CPQ: variants seen among roughly 807,000 people sequenced by gnomAD.
CPQ encodes carboxypeptidase Q, also known as Ser-Met dipeptidase.
A neutral mutation model predicts 45.7 loss-of-function variants in CPQ; 37 were observed. The ratio of observed to expected loss-of-function variants is 0.81; its 90% CI spans 0.62 to 1.07. The LOEUF (loss-of-function observed/expected upper bound fraction) is 1.07. Ranked by LOEUF, CPQ falls within the 50% of genes least tolerant of loss-of-function variation. CPQ has a pLI of 0.00. For synonymous variants in CPQ, 186 were observed against 205.8 expected, an observed-to-expected ratio of 0.90 and a Z score of 0.82; for missense variants, 537 against 572.9, an observed-to-expected ratio of 0.94 and a Z score of 0.64.
At chr8:96,966,173 C>A in intron 5 of CPQ, 127 bp downstream of exon 5, 1 of 617,600 alleles carries the variant, frequency 1.6e-6, no homozygotes, top group Non-Finnish European at 2.7e-6. Flanking sequence ...TCAGTTGATT[C>A]CCAGAAAAGA....
At chr8:96,808,093 A>G (rs1156725488) in intron 2 of CPQ, among the ~76,000 whole-genome samples, 1 of 152,188 alleles carries the variant, frequency 6.6e-6, no homozygotes, top group Non-Finnish European at 1.5e-5. Context: ...GCTGTTGAAT[A>G]CAGATGATGT....
At chr8:96,649,423 G>C (rs1376141984) in intron 1 of CPQ, among the ~76,000 whole-genome samples, 1 of 152,208 alleles carries the variant, frequency 6.6e-6, no homozygotes, top group Non-Finnish European at 1.5e-5. Flanking sequence ...TATTGCCATA[G>C]GTCTAATGAA....
intron 7 of CPQ, among the ~76,000 whole-genome samples, chr8:97,084,812 C>CTG (rs140213784): frequency 0.034 from 5,182 of 150,444 alleles, 114 homozygotes; most frequent in African/African-American, 0.066. Flanking sequence ...TGTGTATACT[C>CTG]TGTGTGTGTG....
chr8:97,055,964 G>A (rs1363737263), intron 6 of CPQ, among the ~76,000 whole-genome samples: 2 of 152,152 alleles, frequency 1.3e-5, no homozygotes, highest in Non-Finnish European at 2.9e-5. Flanking sequence ...AGCTGGGCGT[G>A]GTGGTGCACC....
chr8:96,856,748 G>T (rs1171049786), intron 3 of CPQ, among the ~76,000 whole-genome samples: 1 of 152,206 alleles, frequency 6.6e-6, no homozygotes, highest in Non-Finnish European at 1.5e-5. Context: ...GAACTGAGTT[G>T]TTTCAGGTTT....
chr8:97,125,640 C>T (rs1811835140), intron 7 of CPQ, among the ~76,000 whole-genome samples: 1 of 152,106 alleles, frequency 6.6e-6, no homozygotes, highest in Non-Finnish European at 1.5e-5. Context: ...ATGATCATTT[C>T]AGGAGGTGCA....
rs77486309 is a variant in CPQ at position 96,751,275 on chromosome 8, T to C, written c.-34-33589T>C. ...CCAACAGTGTAACAGCATTCCTTTT[T>C]CTTCACAAACTTGCCAGCATCAGTT... On this transcript the variant is annotated intron_variant, in intron 1 of 7. Transcript: ENST00000220763. 1.1e-3 allele frequency among the ~76,000 whole-genome samples: 168 copies of C among 152,366 alleles called. 4 individuals are homozygous for C. The East Asian group carries it at 0.03, about 28-fold the overall frequency.
At chr8:96,885,721 C>T (rs1010135530) in intron 4 of CPQ, among the ~76,000 whole-genome samples, 2 of 152,168 alleles carry the variant, frequency 1.3e-5, no homozygotes, top group African/African-American at 2.4e-5. Flanking sequence ...ATAGGCCAGG[C>T]GTGGTGGCTC....
intron 7 of CPQ, among the ~76,000 whole-genome samples, chr8:97,128,884 A>T (rs1342325882): frequency 1.3e-5 from 2 of 152,156 alleles, no homozygotes; most frequent in African/African-American, 2.4e-5. Context: ...TGGACTAGAG[A>T]AGTTCTTTCC....
chr8:96,814,030 G>T (rs201200037), intron 2 of CPQ, among the ~76,000 whole-genome samples: 1 of 151,428 alleles, frequency 6.6e-6, no homozygotes. Flanking sequence ...ACATATATAT[G>T]CACATATATA....
intron 7 of CPQ, among the ~76,000 whole-genome samples, chr8:97,099,955 T>C (rs1030996411): frequency 6.6e-6 from 1 of 152,206 alleles, no homozygotes; most frequent in African/African-American, 2.4e-5. Context: ...TCCCCTGATA[T>C]TAACTAGCTA....
intron 4 of CPQ, among the ~76,000 whole-genome samples, chr8:96,886,577 A>G (rs1812309805): frequency 6.6e-6 from 1 of 152,220 alleles, no homozygotes; most frequent in African/African-American, 2.4e-5. Context: ...CTAGAGATTT[A>G]GTACAAACTC....
At chr8:96,810,123 CCTT>C (rs1260773896) in intron 2 of CPQ, among the ~76,000 whole-genome samples, 1 of 152,294 alleles carries the variant, frequency 6.6e-6, no homozygotes, top group East Asian at 1.9e-4. Flanking sequence ...TTGGAATTCA[CCTT>C]CTCCAAGAGC....
intron 3 of CPQ, among the ~76,000 whole-genome samples, chr8:96,844,159 G>A (rs1035982910): frequency 1.3e-5 from 2 of 152,176 alleles, no homozygotes; most frequent in African/African-American, 4.8e-5. Context: ...CAGGATTAAG[G>A]CAATGTTGTT....
At chr8:96,716,336 T>G (rs1809672410) in intron 1 of CPQ, among the ~76,000 whole-genome samples, 1 of 152,190 alleles carries the variant, frequency 6.6e-6, no homozygotes, top group Admixed American at 6.5e-5. Flanking sequence ...ATTTTAAATT[T>G]TTATTTTAAT....
intron 3 of CPQ, among the ~76,000 whole-genome samples, chr8:96,867,587 A>G (rs1812011656): frequency 6.6e-6 from 1 of 151,916 alleles, no homozygotes; most frequent in Non-Finnish European, 1.5e-5. Flanking sequence ...AGTCAAGAAA[A>G]ACATAACATT....
chr8:97,126,899 TA>T (rs1300276940), intron 7 of CPQ, among the ~76,000 whole-genome samples: 5 of 152,158 alleles, frequency 3.3e-5, no homozygotes, highest in Admixed American at 3.3e-4. Context: ...TTTACAAAAG[TA>T]CAAGGTTATT....
intron 4 of CPQ, among the ~76,000 whole-genome samples, chr8:96,954,613 T>C (rs1053351760): frequency 2.6e-5 from 4 of 152,194 alleles, no homozygotes; most frequent in African/African-American, 9.7e-5. Flanking sequence ...TTATTTATTA[T>C]ACTTTAAGTT....
chr8:96,785,144 A>G lies in CPQ; in HGVS notation c.247A>G (p.Asn83Asp), dbSNP rs752275268. The change falls in exon 2 of 8, where the codon AAC becomes GAC. Residue 83 changes from asparagine to aspartate, a missense_variant. Asn to Asp is a conservative substitution (Grantham distance 23). Coordinates refer to ENST00000220763, the MANE Select transcript of CPQ (RefSeq NM_016134.4). ...TVGPRLSGSK[N>D]LEKAIQIMYQ... ...TGGACCCAGACTGAGTGGCTCCAAG[A>G]ACCTAGAAAAAGCCATCCAAATTAT... is the stretch of plus-strand genomic sequence containing the variant. 3 of 1,613,688 alleles carry G rather than the reference A, an allele frequency of 1.9e-6. No homozygotes were observed. The Admixed American group carries it at 5.0e-5, about 27-fold the overall frequency.
Sources: allele counts gnomAD v4.1 joint callset (sites outside exome capture counted in the v4.1 genomes callset), GRCh38; gene constraint gnomAD v4.1.1; transcripts MANE v1.5; gene names NCBI Gene and HGNC (gene_info 2026-07-23, HGNC 2026-07-21).